The following KIF3C variants were observed in gnomAD, a reference collection of about 807,000 sequenced individuals.
KIF3C encodes kinesin-like protein KIF3C.
KIF3C carries 12 observed loss-of-function variants against 67.7 expected under a neutral mutation model. That is an observed-to-expected ratio of 0.18 (90% CI 0.11 to 0.29). KIF3C has a LOEUF of 0.29. Ranked by LOEUF, KIF3C falls within the 10% of genes least tolerant of loss-of-function variation. The probability of loss-of-function intolerance (pLI) is 1.00; values close to 1 mark genes in which losing one functional copy is unlikely to be tolerated. For synonymous variants in KIF3C, 393 were observed against 426.2 expected (o/e 0.92, Z 0.96); for missense variants, 789 against 1,059.6 (o/e 0.74, Z 3.55).
At chr2:25,967,765 G>A (rs1225342488) in intron 1 of KIF3C, among the ~76,000 whole-genome samples, 1 of 152,240 alleles carries the variant, frequency 6.6e-6, no homozygotes, top group South Asian at 2.1e-4. Flanking sequence ...GGTGGAGGCT[G>A]TAGTGAGCTG....
At chr2:25,944,026 A>G (rs1663361956) in intron 5 of KIF3C, among the ~76,000 whole-genome samples, 1 of 152,116 alleles carries the variant, frequency 6.6e-6, no homozygotes, top group South Asian at 2.1e-4. Context: ...GAATATATTC[A>G]TGATTACCTG....
chr2:25,963,842 A>G (rs1203298202), intron 1 of KIF3C, among the ~76,000 whole-genome samples: 2 of 151,616 alleles, frequency 1.3e-5, no homozygotes, highest in African/African-American at 4.8e-5. Context: ...ACAGATGTGT[A>G]CCACCACACC....
chr2:25,938,892 T>A (rs952695459), intron 5 of KIF3C, among the ~76,000 whole-genome samples: 1 of 152,056 alleles, frequency 6.6e-6, no homozygotes, highest in African/African-American at 2.4e-5. Context: ...TTTTTCCCCT[T>A]TAATATTAAA....
In KIF3C at chr2:25,980,691, G is replaced by C; in HGVS notation, c.1227C>G (p.Ser409Arg). 3.7e-6 allele frequency: 6 copies of C among 1,614,128 alleles called. No homozygotes were observed. Among genetic ancestry groups the C allele is most frequent in the Non-Finnish European group, 4.2e-6 (5 of 1,180,024 alleles). Residue 409 changes from serine to arginine, a missense_variant, in exon 1 of 8, where the codon AGC becomes AGG. Ser to Arg is a moderately radical substitution (Grantham distance 110). This residue lies in a region of KIF3C where 648 missense variants were observed against 807.8 expected (regional missense o/e 0.80). Transcript: ENST00000264712. The surrounding 1 kb of genome is among the most constrained non-coding windows in gnomAD (Gnocchi z 7.6). ...GGGCGGACACGGCCTTCTTCCTGCGGCTGCTCTTCCTCCGGGGCCGCTTCC... is the reference window on the plus strand; with the variant it reads ...GGGCGGACACGGCCTTCTTCCTGCGCCTGCTCTTCCTCCGGGGCCGCTTCC... ...MLGKRPRRKS[S>R]RRKKAVSAPP...
intron 1 of KIF3C, among the ~76,000 whole-genome samples, chr2:25,970,965 G>GA (rs970182694): frequency 0.064 from 3,119 of 48,796 alleles, 150 homozygotes; most frequent in African/African-American, 0.16. Context: ...CTCTATGAAG[G>GA]AAAAAAAAAA....
intron 1 of KIF3C, among the ~76,000 whole-genome samples, chr2:25,965,749 G>T (rs528148466): frequency 2.0e-5 from 3 of 151,962 alleles, no homozygotes; most frequent in African/African-American, 7.2e-5. Flanking sequence ...GGAGTTCCTA[G>T]TCTTCAAGAG....
chr2:25,970,587 A>AGT (rs1664253446), intron 1 of KIF3C, among the ~76,000 whole-genome samples: 1 of 150,356 alleles, frequency 6.7e-6, no homozygotes, highest in African/African-American at 2.5e-5. Context: ...GAATTGGTTG[A>AGT]ACCCGGGAGG....
chr2:25,978,301 C>G (rs1664468490), intron 1 of KIF3C, among the ~76,000 whole-genome samples: 1 of 152,144 alleles, frequency 6.6e-6, no homozygotes. Flanking sequence ...AGTACCCACC[C>G]CTTGGGGTTG....
chr2:25,953,270 A>C (rs905193802), intron 4 of KIF3C, among the ~76,000 whole-genome samples: 3 of 145,434 alleles, frequency 2.1e-5, no homozygotes, highest in African/African-American at 7.7e-5. Context: ...TTCCATCTCC[A>C]AAAAAAAAAA....
At position 25,954,255 on chromosome 2, in the gene KIF3C, T is replaced by A; in HGVS notation, c.1889+12A>T. On this transcript the variant is annotated intron_variant, in intron 4 of 7. Transcript: ENST00000264712. Reference sequence around the variant, plus strand: ...TGTGGGGACCCGGGATGAAAAGAGCTGCGGGCCCTACTTGAGCTTGAGTTC... The same window carrying A: ...TGTGGGGACCCGGGATGAAAAGAGCAGCGGGCCCTACTTGAGCTTGAGTTC... 6.2e-7 allele frequency: 1 copy of A among 1,600,738 alleles called. No individual in the cohort carries two copies. The highest frequency in any genetic ancestry group is 1.1e-5 in the South Asian group (1 of 90,838).
chr2:25,952,543 GTGTGTGTATA>G (rs1487671884), intron 4 of KIF3C, among the ~76,000 whole-genome samples: 5 of 116,306 alleles, frequency 4.3e-5, no homozygotes, highest in African/African-American at 8.0e-5. Flanking sequence ...GTGTGTGTGT[GTGTGTGTATA>G]TATATATATA....
At chr2:25,947,889 TA>T (rs964777278) in intron 5 of KIF3C, among the ~76,000 whole-genome samples, 43 of 151,932 alleles carry the variant, frequency 2.8e-4, no homozygotes, top group African/African-American at 1.0e-3. Flanking sequence ...GAAAGTAAAT[TA>T]AAAAAAAATT....
intron 5 of KIF3C, among the ~76,000 whole-genome samples, chr2:25,933,240 G>A (rs538975870): frequency 8.6e-4 from 127 of 148,416 alleles, no homozygotes; most frequent in African/African-American, 3.1e-3. Context: ...GACAGAGTGA[G>A]ACTCTGCAAG....
chr2:25,932,207 G>A (rs1476450100), intron 5 of KIF3C, among the ~76,000 whole-genome samples: 3 of 151,378 alleles, frequency 2.0e-5, no homozygotes, highest in East Asian at 4.0e-4. Flanking sequence ...TCACCATGTT[G>A]GCCAGGATGG....
chr2:25,965,586 C>G (rs1161513846), intron 1 of KIF3C, among the ~76,000 whole-genome samples: 2 of 151,618 alleles, frequency 1.3e-5, no homozygotes, highest in African/African-American at 4.9e-5. Flanking sequence ...ACCTAAGCCT[C>G]CCAAATAGCC....
intron 4 of KIF3C, 101 bp downstream of exon 4, chr2:25,954,166 A>T (rs1663734800): frequency 1.2e-6 from 1 of 849,850 alleles, no homozygotes; most frequent in South Asian, 1.4e-5. Context: ...TAAAGGACTC[A>T]TGGGAGAGGA....
chr2:25,981,796 T>A lies in KIF3C; in HGVS notation c.122A>T (p.Gln41Leu), dbSNP rs1664603235. The A allele has an allele frequency of 6.2e-7, 1 of 1,613,400 alleles. No individual in the cohort carries two copies. Among genetic ancestry groups the A allele is most frequent in the East Asian group, 2.2e-5 (1 of 44,856 alleles). ...GGCGCGGGGGTTCCGCAGGGTCACC[T>A]GGCCCAGTTTCACGTCCATGGTCAG... ...QILTMDVKLGQVTLRNPRAAP... is the reference protein window; with the variant it reads ...QILTMDVKLGLVTLRNPRAAP... Residue 41 changes from glutamine to leucine, a missense_variant, in exon 1 of 8, where the codon CAG (glutamine) becomes CTG (leucine). This residue lies in a region of KIF3C where 141 missense variants were observed against 251.8 expected (regional missense o/e 0.56). Coordinates refer to ENST00000264712, the MANE Select transcript of KIF3C (RefSeq NM_002254.8). The surrounding 1 kb of genome is among the most constrained non-coding windows in gnomAD (Gnocchi z 8.2).
chr2:25,975,900 G>A (rs1415541577), intron 1 of KIF3C, among the ~76,000 whole-genome samples: 1 of 152,042 alleles, frequency 6.6e-6, no homozygotes, highest in Non-Finnish European at 1.5e-5. Flanking sequence ...GGAGCTTGCA[G>A]TGAGCCGAGA....
At chr2:25,957,441 G>C in intron 1 of KIF3C, among the ~76,000 whole-genome samples, 1 of 152,168 alleles carries the variant, frequency 6.6e-6, no homozygotes, top group East Asian at 1.9e-4. Flanking sequence ...TCTGGTTTGG[G>C]GGGGTGCCCG....
Sources: gnomAD v4.1 joint callset for allele counts (sites outside exome capture counted in the v4.1 genomes callset) on GRCh38, gnomAD v4.1.1 for gene constraint, gnomAD v4.1.1 regional missense constraint, Gnocchi (gnomAD v3.1) non-coding constraint, MANE v1.5 for transcripts, NCBI Gene and HGNC (gene_info 2026-07-23, HGNC 2026-07-21) for gene names.